The following CLEC16A variants were observed in gnomAD, a reference collection of about 807,000 sequenced individuals.
CLEC16A encodes the protein protein CLEC16A.
In CLEC16A, 51 loss-of-function variants were observed where a neutral mutation model predicts 109.5. The observed-to-expected ratio is 0.47, with a 90% CI of 0.37 to 0.59. CLEC16A has a LOEUF of 0.59. Ranked by LOEUF, CLEC16A falls within the 20% of genes least tolerant of loss-of-function variation. The probability of loss-of-function intolerance (pLI) is 0.00; values close to 1 mark genes in which losing one functional copy is unlikely to be tolerated. For missense variants in CLEC16A, 1,339 were observed against 1,394.0 expected (o/e 0.96, Z 0.63); for synonymous variants, 673 against 564.2 (o/e 1.19, Z -2.73).
chr16:11,178,769 G>A lies in CLEC16A; in HGVS notation c.*79G>A. On this transcript the variant is annotated 3_prime_UTR_variant, in exon 24 of 24. Transcript: ENST00000409790. The surrounding 1 kb of genome is among the most constrained non-coding windows in gnomAD (Gnocchi z 6.5). ...TGCCGCTGACTGGCAAGACACACTGGGAGCACCCACCATTCTGTGCGGCCC... is the reference window on the plus strand; with the variant it reads ...TGCCGCTGACTGGCAAGACACACTGAGAGCACCCACCATTCTGTGCGGCCC... 1 of 1,143,300 alleles carries A rather than the reference G, an allele frequency of 8.7e-7. No homozygotes were observed. Among genetic ancestry groups the A allele is most frequent in the Non-Finnish European group, 1.2e-6 (1 of 833,650 alleles). The allele number at this position is 1,143,300 out of a possible 1,614,324, so 70.8% of individuals were successfully genotyped here. A position where few individuals can be genotyped will look rare whatever the true frequency, so the allele number is the denominator to read the frequency against.
intron 1 of CLEC16A, among the ~76,000 whole-genome samples, chr16:10,945,563 C>G (rs1567480611): frequency 6.6e-6 from 1 of 152,198 alleles, no homozygotes; most frequent in African/African-American, 2.4e-5. Flanking sequence ...CGTTCAAATC[C>G]TGAAACCACC....
In CLEC16A at chr16:11,174,062, G is replaced by T. The variant is rs1022636878; in HGVS notation, c.2807-4273G>T. The stretch of plus-strand genomic sequence containing the variant: ...GACCCTCGCCCCTCGTCAGTGCTCA[G>T]CGTCCGCTGCTGCTCAGTGTCCCCT... On this transcript the variant is annotated intron_variant, in intron 23 of 23. Coordinates refer to ENST00000409790, the MANE Select transcript of CLEC16A (RefSeq NM_015226.3). The surrounding 1 kb of genome is among the most constrained non-coding windows in gnomAD (Gnocchi z 4.7). 9.8e-6 allele frequency: 4 copies of T among 407,788 alleles called. No homozygotes were observed. Among genetic ancestry groups the T allele is most frequent in the South Asian group, 1.8e-5 (1 of 56,230 alleles). 25.3% of individuals were successfully genotyped at this position (407,788 alleles called of 1,614,324 possible). A position where few individuals can be genotyped will look rare whatever the true frequency, so the allele number is the denominator to read the frequency against.
At chr16:11,141,584 G>A (rs1274925921) in intron 22 of CLEC16A, among the ~76,000 whole-genome samples, 1 of 152,266 alleles carries the variant, frequency 6.6e-6, no homozygotes, top group Non-Finnish European at 1.5e-5. Context: ...CCGCGAAGCA[G>A]GGAAGTGGCT....
chr16:11,008,605 T>C (rs2045190043), intron 11 of CLEC16A, among the ~76,000 whole-genome samples: 1 of 151,768 alleles, frequency 6.6e-6, no homozygotes. Flanking sequence ...CCTTCCCTGC[T>C]CCCTTTTTTT....
At chr16:11,033,181 G>A (rs1567221659) in intron 13 of CLEC16A, among the ~76,000 whole-genome samples, 1 of 152,152 alleles carries the variant, frequency 6.6e-6, no homozygotes, top group African/African-American at 2.4e-5. Context: ...TGAAAGGGAC[G>A]AGTCAGATGA....
chr16:11,130,119 G>A (rs1567364724), intron 22 of CLEC16A, among the ~76,000 whole-genome samples: 1 of 152,192 alleles, frequency 6.6e-6, no homozygotes, highest in African/African-American at 2.4e-5. Context: ...ATGCCTTTGT[G>A]TGCCTGGTCA....
chr16:11,048,337 AT>A (rs1437255278), intron 17 of CLEC16A: 1 of 152,260 alleles, frequency 6.6e-6, no homozygotes, highest in East Asian at 1.9e-4. Flanking sequence ...GCGGGAAGCC[AT>A]AGGTTCAGAA....
chr16:11,074,633 T>A (rs966288659), intron 19 of CLEC16A, among the ~76,000 whole-genome samples: 1 of 152,232 alleles, frequency 6.6e-6, no homozygotes, highest in Non-Finnish European at 1.5e-5. Context: ...TTTATAAACT[T>A]ACAATCATAA....
chr16:10,980,466 A>G (rs1343412191), intron 9 of CLEC16A, among the ~76,000 whole-genome samples: 1 of 152,118 alleles, frequency 6.6e-6, no homozygotes, highest in East Asian at 1.9e-4. Flanking sequence ...CAAGCAAGCC[A>G]GTTCTCAGCC....
chr16:11,159,038 A>G (rs1452807588), intron 22 of CLEC16A, among the ~76,000 whole-genome samples: 2 of 152,208 alleles, frequency 1.3e-5, no homozygotes, highest in Non-Finnish European at 2.9e-5. Flanking sequence ...CAAAAGGAGT[A>G]TGAATGAAGC....
chr16:11,045,543 G>C (rs898108549), intron 16 of CLEC16A, among the ~76,000 whole-genome samples: 1 of 152,074 alleles, frequency 6.6e-6, no homozygotes, highest in African/African-American at 2.4e-5. Flanking sequence ...TATGAATTTG[G>C]GTGGTGGGGG....
chr16:11,013,415 A>T lies in CLEC16A; in HGVS notation c.1304-6778A>T, dbSNP rs534920345. ...AGGCTGAGATGGGCGGATCATTTGA[A>T]ATCAGGAGTTTGAGACCAGCCTGGC... On this transcript the variant is annotated intron_variant, in intron 11 of 23. Coordinates refer to ENST00000409790, the MANE Select transcript of CLEC16A (RefSeq NM_015226.3). Among the ~76,000 whole-genome samples the T allele has an allele frequency of 4.6e-5, 7 of 152,126 alleles. No individual in the cohort carries two copies. The East Asian group carries it at 1.4e-3, about 29-fold the overall frequency.
At chr16:11,095,871 GCACCAAAGGAGACCTT>G (rs895369812) in intron 19 of CLEC16A, among the ~76,000 whole-genome samples, 1 of 150,796 alleles carries the variant, frequency 6.6e-6, no homozygotes, top group African/African-American at 2.4e-5. Context: ...CGTAAGATTG[GCACCAAAGGAGACCTT>G]CACTTTGGAA....
intron 22 of CLEC16A, chr16:11,156,562 C>T: frequency 7.7e-7 from 1 of 1,302,232 alleles, no homozygotes; most frequent in Non-Finnish European, 1.0e-6. Context: ...CTTCCTCCTG[C>T]TGCCGTTTCA....
intron 22 of CLEC16A, chr16:11,156,430 G>A: frequency 3.1e-6 from 1 of 324,526 alleles, no homozygotes; most frequent in Non-Finnish European, 6.0e-6. Flanking sequence ...AACCTTGGGG[G>A]GCCATCCTTT....
chr16:11,039,659 C>A, intron 13 of CLEC16A, 95 bp from the exon 14 acceptor site: 2 of 1,358,652 alleles, frequency 1.5e-6, no homozygotes, highest in South Asian at 1.6e-5. Flanking sequence ...ACATATGTGG[C>A]TGAAGTTGAG....
chr16:11,020,189 C>A lies in CLEC16A; in HGVS notation c.1304-4C>A. 6.2e-7 allele frequency: 1 copy of A among 1,607,676 alleles called. No homozygotes were observed. Among genetic ancestry groups the A allele is most frequent in the Non-Finnish European group, 8.5e-7 (1 of 1,176,424 alleles). On this transcript the variant is annotated splice_polypyrimidine_tract_variant and splice_region_variant and intron_variant, in intron 11 of 23. Coordinates refer to ENST00000409790, the MANE Select transcript of CLEC16A (RefSeq NM_015226.3). ...CTCATCCCAGTCTCCATTTTGGCTT[C>A]CAGAGATCGAGATGGTGATCATGGA...
intron 19 of CLEC16A, among the ~76,000 whole-genome samples, chr16:11,115,638 G>T (rs559360307): frequency 6.6e-6 from 1 of 152,324 alleles, no homozygotes; most frequent in Admixed American, 6.5e-5. Flanking sequence ...CTTCAAAAGT[G>T]TTGGGATTAT....
intron 1 of CLEC16A, among the ~76,000 whole-genome samples, chr16:10,955,821 G>A (rs1596729582): frequency 2.0e-5 from 3 of 152,190 alleles, no homozygotes; most frequent in African/African-American, 4.8e-5. Context: ...GGGGGCCTGC[G>A]TGGAGAGTGT....
Sources: gnomAD v4.1 joint callset for allele counts (sites outside exome capture counted in the v4.1 genomes callset) on GRCh38, gnomAD v4.1.1 for gene constraint, Gnocchi (gnomAD v3.1) non-coding constraint, MANE v1.5 for transcripts, NCBI Gene and HGNC (gene_info 2026-07-23, HGNC 2026-07-21) for gene names.